Variants in L3MBTL4 observed in about 807,000 individuals in gnomAD.
L3MBTL4 encodes L3MBTL histone methyl-lysine binding protein 4.
Under a neutral mutation model 84.5 loss-of-function variants are expected in L3MBTL4, and 70 were observed. The ratio of observed to expected loss-of-function variants is 0.83; its 90% CI spans 0.68 to 1.01. L3MBTL4 has a LOEUF of 1.01. Among genes scored for constraint, L3MBTL4 ranks in the 50% least tolerant of loss-of-function variants. The pLI is 0.00. For synonymous variants in L3MBTL4, 274 were observed against 259.8 expected, an observed-to-expected ratio of 1.05 and a Z score of -0.52; for missense variants, 715 against 754.8, an observed-to-expected ratio of 0.95 and a Z score of 0.62.
At chr18:6,285,483 AGTGT>A (rs146666645) in intron 4 of L3MBTL4, among the ~76,000 whole-genome samples, 152 of 151,122 alleles carry the variant, frequency 1.0e-3, no homozygotes, top group Middle Eastern at 3.4e-3. Flanking sequence ...AGTGCTATAA[AGTGT>A]GTGTGTGTGT....
intron 16 of L3MBTL4, among the ~76,000 whole-genome samples, chr18:6,051,337 G>A (rs1313222376): frequency 6.6e-6 from 1 of 152,232 alleles, no homozygotes; most frequent in East Asian, 1.9e-4. Context: ...TCAGGAGTTC[G>A]AGACCAGCCT....
chr18:6,143,431 T>C lies in L3MBTL4; in HGVS notation c.1097-5135A>G, dbSNP rs995639266. Among the ~76,000 whole-genome samples, 8 of 152,256 alleles carry C rather than the reference T, an allele frequency of 5.3e-5. 1 individual carries two copies. The highest frequency in any genetic ancestry group is 5.2e-4 in the Admixed American group (8 of 15,284). On this transcript the variant is annotated intron_variant, in intron 13 of 18. Coordinates refer to ENST00000317931, the MANE Select transcript of L3MBTL4 (RefSeq NM_001330559.2). ...AATTTCCTCATTAAATTTTGTATGA[T>C]GAAGTATAATAGGTTGAATCAATGG...
At chr18:6,271,751 A>G (rs1055617202) in intron 4 of L3MBTL4, among the ~76,000 whole-genome samples, 9 of 152,154 alleles carry the variant, frequency 5.9e-5, no homozygotes, top group Non-Finnish European at 1.5e-5. Flanking sequence ...GAGGCGCACG[A>G]GGGAGGCAGC....
chr18:6,152,602 G>C (rs2042944716), intron 13 of L3MBTL4, among the ~76,000 whole-genome samples: 1 of 151,888 alleles, frequency 6.6e-6, no homozygotes, highest in Non-Finnish European at 1.5e-5. Flanking sequence ...TCAGATTTTT[G>C]GTTTTTTGCT....
At chr18:6,251,050 GA>G (rs773745406) in intron 5 of L3MBTL4, among the ~76,000 whole-genome samples, 69 of 150,208 alleles carry the variant, frequency 4.6e-4, no homozygotes, top group African/African-American at 1.6e-3. Flanking sequence ...TCACTCAATG[GA>G]AAAAAAAATC....
At chr18:6,180,372 C>G (rs577443680) in intron 12 of L3MBTL4, among the ~76,000 whole-genome samples, 1 of 152,096 alleles carries the variant, frequency 6.6e-6, no homozygotes, top group African/African-American at 2.4e-5. Flanking sequence ...TCCCTCTCCC[C>G]CAGGCCACAT....
chr18:6,144,497 T>A (rs1340955471), intron 13 of L3MBTL4, among the ~76,000 whole-genome samples: 1 of 152,162 alleles, frequency 6.6e-6, no homozygotes, highest in African/African-American at 2.4e-5. Flanking sequence ...AACTAAGAAT[T>A]ATCTGAATAA....
chr18:6,341,302 C>T (rs781224753), intron 1 of L3MBTL4, among the ~76,000 whole-genome samples: 3 of 151,744 alleles, frequency 2.0e-5, no homozygotes, highest in Non-Finnish European at 2.9e-5. Context: ...CTATGAATTG[C>T]CCAACAAAGA....
intron 16 of L3MBTL4, among the ~76,000 whole-genome samples, chr18:5,969,818 A>G (rs1215158051): frequency 6.6e-6 from 1 of 152,190 alleles, no homozygotes. Flanking sequence ...AATAATCTCT[A>G]TGAGATGCTG....
intron 18 of L3MBTL4, among the ~76,000 whole-genome samples, chr18:5,959,095 G>C (rs1212874166): frequency 6.6e-6 from 1 of 152,182 alleles, no homozygotes; most frequent in Non-Finnish European, 1.5e-5. Flanking sequence ...GTGCTCGGAG[G>C]GGTCCAGAAC....
At chr18:6,068,798 A>G (rs1484971986) in intron 16 of L3MBTL4, among the ~76,000 whole-genome samples, 1 of 152,066 alleles carries the variant, frequency 6.6e-6, no homozygotes, top group East Asian at 1.9e-4. Context: ...TCTTTACTGC[A>G]CCCAGCACTG....
intron 16 of L3MBTL4, among the ~76,000 whole-genome samples, chr18:6,040,349 T>A (rs2056345263): frequency 1.3e-5 from 2 of 152,156 alleles, no homozygotes; most frequent in African/African-American, 4.8e-5. Flanking sequence ...GGTGGGAGGG[T>A]TGCCTCTGGC....
At chr18:6,128,646 G>A (rs2059778575) in intron 14 of L3MBTL4, among the ~76,000 whole-genome samples, 1 of 152,156 alleles carries the variant, frequency 6.6e-6, no homozygotes, top group South Asian at 2.1e-4. Flanking sequence ...TTGTACCCAT[G>A]GCTGAGGAGA....
intron 14 of L3MBTL4, among the ~76,000 whole-genome samples, chr18:6,134,717 T>G (rs1443090607): frequency 6.6e-6 from 1 of 152,206 alleles, no homozygotes; most frequent in Non-Finnish European, 1.5e-5. Context: ...TCCTATGGTC[T>G]TGGGCAGCTC....
At chr18:6,065,029 T>C (rs1183856148) in intron 16 of L3MBTL4, among the ~76,000 whole-genome samples, 1 of 152,016 alleles carries the variant, frequency 6.6e-6, no homozygotes, top group Non-Finnish European at 1.5e-5. Flanking sequence ...GCCCCTTCTA[T>C]GTGTATTTTT....
chr18:6,124,153 A>G (rs2059613516), intron 14 of L3MBTL4, among the ~76,000 whole-genome samples: 2 of 152,228 alleles, frequency 1.3e-5, no homozygotes, highest in Non-Finnish European at 2.9e-5. Context: ...TGATTTTCCT[A>G]GTATTCAGAG....
rs537816275 is a variant in L3MBTL4, at chr18:6,143,963, C to T, written c.1097-5667G>A. On this transcript the variant is annotated intron_variant, in intron 13 of 18. Transcript: ENST00000317931. ...CTGTAATCCCAGCATTTTGGGAGGCCAAGGGTGGCGGATCACAAGGTCAGG... is the reference window on the plus strand; with the variant it reads ...CTGTAATCCCAGCATTTTGGGAGGCTAAGGGTGGCGGATCACAAGGTCAGG... 3.4e-4 allele frequency among the ~76,000 whole-genome samples: 51 copies of T among 152,110 alleles called. 2 individuals are homozygous for T. The South Asian group carries it at 6.4e-3, about 19-fold the overall frequency.
At chr18:6,217,219 C>T (rs1444076818) in intron 10 of L3MBTL4, among the ~76,000 whole-genome samples, 2 of 152,132 alleles carry the variant, frequency 1.3e-5, no homozygotes, top group African/African-American at 4.8e-5. Flanking sequence ...TAACCAGACA[C>T]AGATCTAAAC....
intron 10 of L3MBTL4, 33 bp from the exon 11 acceptor site, chr18:6,215,868 T>C (rs756497187): frequency 5.4e-5 from 64 of 1,187,182 alleles, no homozygotes; most frequent in Non-Finnish European, 7.2e-5. Flanking sequence ...AGCAAAAGAT[T>C]ACTCATAGAT....
Sources: allele counts gnomAD v4.1 joint callset (sites outside exome capture counted in the v4.1 genomes callset), GRCh38; gene constraint gnomAD v4.1.1; transcripts MANE v1.5; gene names NCBI Gene and HGNC (gene_info 2026-07-23, HGNC 2026-07-21).